Variants in ETV6 observed in about 807,000 individuals in gnomAD.
The protein encoded by ETV6 is ETS variant transcription factor 6, also known as transcription factor ETV6.
A neutral mutation model predicts 51.1 loss-of-function variants in ETV6; 16 were observed. The ratio of observed to expected loss-of-function variants is 0.31; its 90% CI spans 0.21 to 0.48. The LOEUF (loss-of-function observed/expected upper bound fraction) is 0.48, where lower values mean the gene tolerates loss of function less well. Among genes scored for constraint, ETV6 ranks in the 20% least tolerant of loss-of-function variants. The probability of loss-of-function intolerance (pLI) is 0.99; values close to 1 mark genes in which losing one functional copy is unlikely to be tolerated. For synonymous variants in ETV6, 240 were observed against 224.1 expected (o/e 1.07, Z -0.64); for missense variants, 458 against 594.8 (o/e 0.77, Z 2.39).
At chr12:11,810,175 A>G (rs1163370537) in intron 2 of ETV6, among the ~76,000 whole-genome samples, 3 of 152,064 alleles carry the variant, frequency 2.0e-5, no homozygotes, top group African/African-American at 4.8e-5. Context: ...TGAGTAGTGA[A>G]TTCCAACCCA....
chr12:11,669,869 G>A (rs1262962653), intron 1 of ETV6, among the ~76,000 whole-genome samples: 1 of 152,132 alleles, frequency 6.6e-6, no homozygotes, highest in Non-Finnish European at 1.5e-5. Context: ...AAAGTAGGAT[G>A]TGCCGAAATG....
chr12:11,888,530 G>C (rs578057360), intron 7 of ETV6, among the ~76,000 whole-genome samples: 10 of 151,604 alleles, frequency 6.6e-5, no homozygotes, highest in African/African-American at 2.4e-4. Flanking sequence ...GTAGCTAATA[G>C]TAGCTGGAAT....
At chr12:11,837,558 G>A (rs1404186616) in intron 2 of ETV6, among the ~76,000 whole-genome samples, 1 of 152,200 alleles carries the variant, frequency 6.6e-6, no homozygotes, top group Admixed American at 6.5e-5. Context: ...CAGCAGGTAG[G>A]AAGAGCAGCC....
intron 1 of ETV6, among the ~76,000 whole-genome samples, chr12:11,717,811 T>A (rs1426532227): frequency 6.6e-6 from 1 of 152,152 alleles, no homozygotes; most frequent in East Asian, 1.9e-4. Flanking sequence ...ACTGTGAGTG[T>A]CCCCTGATAT....
At chr12:11,819,669 T>A (rs1190287614) in intron 2 of ETV6, among the ~76,000 whole-genome samples, 3 of 152,228 alleles carry the variant, frequency 2.0e-5, no homozygotes, top group African/African-American at 7.2e-5. Flanking sequence ...TTGGATTTTG[T>A]CATTGACTGC....
chr12:11,824,153 G>T (rs1185755562), intron 2 of ETV6, among the ~76,000 whole-genome samples: 1 of 152,202 alleles, frequency 6.6e-6, no homozygotes, highest in African/African-American at 2.4e-5. Flanking sequence ...GGCAGCAGCA[G>T]TGTAACTCTC....
chr12:11,673,434 C>G (rs1864357681), intron 1 of ETV6, among the ~76,000 whole-genome samples: 1 of 152,136 alleles, frequency 6.6e-6, no homozygotes, highest in South Asian at 2.1e-4. Context: ...TGTTAAGATA[C>G]TAAACCTTCT....
intron 1 of ETV6, among the ~76,000 whole-genome samples, chr12:11,746,229 C>A (rs547583146): frequency 7.2e-5 from 11 of 152,290 alleles, no homozygotes; most frequent in African/African-American, 2.6e-4. Flanking sequence ...CTTGGAATTC[C>A]CCATTGTGAA....
rs963854603 is a variant in ETV6, at chr12:11,779,134, C to G, written c.163+26555C>G. On this transcript the variant is annotated intron_variant, in intron 2 of 7. Coordinates refer to ENST00000396373, the MANE Select transcript of ETV6 (RefSeq NM_001987.5). ...ATACAAGTTGAGCCTGTTGACTTCT[C>G]TCTTTGTGGATGCACACGTGCGTCT... 1.4e-4 allele frequency among the ~76,000 whole-genome samples: 22 copies of G among 152,214 alleles called. 1 individual carries two copies. Among genetic ancestry groups the G allele is most frequent in the Admixed American group, 4.6e-4 (7 of 15,286 alleles).
chr12:11,773,309 A>G (rs1308554102), intron 2 of ETV6, among the ~76,000 whole-genome samples: 1 of 146,202 alleles, frequency 6.8e-6, no homozygotes, highest in East Asian at 1.9e-4. Flanking sequence ...TCAAAGAGCC[A>G]TATATATATA....
chr12:11,805,504 T>G (rs1945816064), intron 2 of ETV6, among the ~76,000 whole-genome samples: 1 of 147,228 alleles, frequency 6.8e-6, no homozygotes, highest in Non-Finnish European at 1.5e-5. Context: ...ACAGGATGCT[T>G]TGAAAGCATA....
At chr12:11,840,628 G>T (rs933345513) in intron 3 of ETV6, 2 of 402,382 alleles carry the variant, frequency 5.0e-6, no homozygotes, top group African/African-American at 4.1e-5. Context: ...TAAAGCCCCA[G>T]CACCCGTATC....
intron 2 of ETV6, among the ~76,000 whole-genome samples, chr12:11,783,965 G>A (rs1016456848): frequency 5.9e-5 from 9 of 152,136 alleles, no homozygotes; most frequent in African/African-American, 1.2e-4. Flanking sequence ...GCGTGGCATC[G>A]CCTCCCAGTG....
chr12:11,656,781 T>G (rs1864007380), intron 1 of ETV6, among the ~76,000 whole-genome samples: 2 of 152,216 alleles, frequency 1.3e-5, no homozygotes, highest in East Asian at 1.9e-4. Context: ...ACACCTTCTT[T>G]GCCTGCTTTT....
At chr12:11,819,811 T>A (rs1248659587) in intron 2 of ETV6, among the ~76,000 whole-genome samples, 1 of 152,260 alleles carries the variant, frequency 6.6e-6, no homozygotes, top group Non-Finnish European at 1.5e-5. Flanking sequence ...TGCAACAGCC[T>A]CTGACTGGCC....
chr12:11,719,715 C>T (rs1200209858), intron 1 of ETV6, among the ~76,000 whole-genome samples: 1 of 152,212 alleles, frequency 6.6e-6, no homozygotes, highest in African/African-American at 2.4e-5. Flanking sequence ...AAAGGCAAGT[C>T]TGTGCATTAA....
intron 4 of ETV6, among the ~76,000 whole-genome samples, chr12:11,854,920 T>A (rs1946608011): frequency 6.6e-6 from 1 of 152,092 alleles, no homozygotes; most frequent in South Asian, 2.1e-4. Context: ...TAATCATTGG[T>A]AGAAAGCAAA....
intron 2 of ETV6, among the ~76,000 whole-genome samples, chr12:11,812,089 A>T (rs1945922135): frequency 6.6e-6 from 1 of 152,242 alleles, no homozygotes; most frequent in African/African-American, 2.4e-5. Flanking sequence ...AGAACACTGT[A>T]AAATATGCTA....
intron 2 of ETV6, among the ~76,000 whole-genome samples, chr12:11,813,368 C>CG (rs1192618602): frequency 6.6e-6 from 1 of 152,160 alleles, no homozygotes; most frequent in Non-Finnish European, 1.5e-5. Flanking sequence ...GTGTGAACTG[C>CG]GGGGCTGTCT....
Sources: allele counts gnomAD v4.1 joint callset (sites outside exome capture counted in the v4.1 genomes callset), GRCh38; gene constraint gnomAD v4.1.1; transcripts MANE v1.5; gene names NCBI Gene and HGNC (gene_info 2026-07-23, HGNC 2026-07-21).